Variants in PIK3R3 observed in about 807,000 individuals in gnomAD.
The protein encoded by PIK3R3 is phosphoinositide-3-kinase regulatory subunit 3.
In PIK3R3, 64 loss-of-function variants were observed where a neutral mutation model predicts 62.9. The ratio of observed to expected loss-of-function variants is 1.02; its 90% confidence interval spans 0.83 to 1.25. PIK3R3 has a LOEUF of 1.25. Ranked by LOEUF, PIK3R3 falls within the 50% of genes most tolerant of loss-of-function variation. PIK3R3 has a pLI of 0.00. For missense variants in PIK3R3, 614 were observed against 561.6 expected (o/e 1.09, Z -0.94); for synonymous variants, 165 against 189.0 (o/e 0.87, Z 1.04).
intron 6 of PIK3R3, among the ~76,000 whole-genome samples, chr1:46,059,060 G>A (rs1247494270): frequency 1.3e-5 from 2 of 152,202 alleles, no homozygotes; most frequent in Non-Finnish European, 2.9e-5. Context: ...TGTTCTCATT[G>A]TAGTGAGTAA....
At chr1:46,160,688 T>C in the PIK3R3 span, among the ~76,000 whole-genome samples, 1 of 152,236 alleles carries the variant, frequency 6.6e-6, no homozygotes, top group Non-Finnish European at 1.5e-5. Flanking sequence ...CTTAATCCCG[T>C]AATAGGAGAG....
In PIK3R3 at chr1:46,066,927, A is replaced by C; in HGVS notation, c.479T>G (p.Val160Gly). The change falls in exon 4 of 10, where the codon GTG becomes GGG. Residue 160 changes from valine to glycine, a missense_variant. Physicochemically the swap from Val to Gly is moderately radical, Grantham distance 109. Coordinates refer to ENST00000262741, the MANE Select transcript of PIK3R3 (RefSeq NM_003629.4). ...PKLDVKLMYP[V>G]SRYQQDQLVK... ...TAATCATACCTGTTGGTATCTGGAC[A>C]CTGGGTACATCAGCTTCACATCAAG... 1 of 1,613,522 alleles carries C rather than the reference A, an allele frequency of 6.2e-7. No individual in the cohort carries two copies. The highest frequency in any genetic ancestry group is 8.5e-7 in the Non-Finnish European group (1 of 1,179,562).
intron 7 of PIK3R3, among the ~76,000 whole-genome samples, chr1:46,047,719 T>C (rs1647154646): frequency 6.6e-6 from 1 of 152,190 alleles, no homozygotes; most frequent in Non-Finnish European, 1.5e-5. Context: ...CTTTACCTTG[T>C]TTTATCATCT....
chr1:46,091,720 T>TCA (rs1258150577), intron 1 of PIK3R3, among the ~76,000 whole-genome samples: 2 of 152,110 alleles, frequency 1.3e-5, no homozygotes, highest in Admixed American at 1.3e-4. Context: ...TAATCATCCC[T>TCA]CAGTATCCTC....
At chr1:46,149,323 G>A in the PIK3R3 span, among the ~76,000 whole-genome samples, 1 of 150,610 alleles carries the variant, frequency 6.6e-6, no homozygotes, top group South Asian at 2.1e-4. Flanking sequence ...TTGGGAGGCT[G>A]AGGCGGGAGA....
chr1:46,103,235 C>T (rs981591071), intron 1 of PIK3R3, among the ~76,000 whole-genome samples: 24 of 152,122 alleles, frequency 1.6e-4, no homozygotes, highest in Non-Finnish European at 2.9e-4. Context: ...TGGAGATCTG[C>T]TTCAAAACAA....
rs1647033262 is a variant in PIK3R3, at chr1:46,043,559, A to G, written c.*114T>C. The G allele has an allele frequency of 1.0e-6, 1 of 967,842 alleles. No individual in the cohort carries two copies. Among genetic ancestry groups the G allele is most frequent in the African/African-American group, 1.6e-5 (1 of 61,750 alleles). 60.0% of individuals were successfully genotyped at this position (967,842 alleles called of 1,614,324 possible). A position where few individuals can be genotyped will look rare whatever the true frequency, so the allele number is the denominator to read the frequency against. ...CTCGGCCTCTCCACTTCACATTCACAAAATCACTTCTTGTGCAAAACAAGC... is the reference window on the plus strand; with the variant it reads ...CTCGGCCTCTCCACTTCACATTCACGAAATCACTTCTTGTGCAAAACAAGC... On this transcript the variant is annotated 3_prime_UTR_variant, in exon 10 of 10. Coordinates refer to ENST00000262741, the MANE Select transcript of PIK3R3 (RefSeq NM_003629.4).
chr1:46,085,027 A>G (rs1200593470), intron 1 of PIK3R3, among the ~76,000 whole-genome samples: 1 of 152,220 alleles, frequency 6.6e-6, no homozygotes, highest in African/African-American at 2.4e-5. Context: ...GGAAGCTGCT[A>G]TTTATGGATA....
At chr1:46,134,899 G>T (rs1655874356), upstream of PIK3R3, among the ~76,000 whole-genome samples, 1 of 152,180 alleles carries the variant, frequency 6.6e-6, no homozygotes, top group Admixed American at 6.5e-5. Context: ...ATAATCAAGT[G>T]GTCAAGGCTG....
At chr1:46,140,758 A>G in the PIK3R3 span, among the ~76,000 whole-genome samples, 6 of 152,178 alleles carry the variant, frequency 3.9e-5, no homozygotes, top group Admixed American at 1.3e-4. Context: ...GAAGAAACCA[A>G]CCCTGCCAAC....
the PIK3R3 span, among the ~76,000 whole-genome samples, chr1:46,145,784 C>T: frequency 0.034 from 5,202 of 152,212 alleles, 295 homozygotes; most frequent in African/African-American, 0.12. Flanking sequence ...CCTTGACCAC[C>T]TCTTGGTTCT....
At chr1:46,126,923 A>G (rs1655143724) in intron 1 of PIK3R3, among the ~76,000 whole-genome samples, 1 of 152,176 alleles carries the variant, frequency 6.6e-6, no homozygotes, top group African/African-American at 2.4e-5. Flanking sequence ...TAAGTCTAAA[A>G]GGGGTACTGA....
the PIK3R3 span, among the ~76,000 whole-genome samples, chr1:46,140,581 A>C: frequency 6.6e-6 from 1 of 152,206 alleles, no homozygotes; most frequent in Non-Finnish European, 1.5e-5. Flanking sequence ...GTGTCCTTAT[A>C]AGAAAAACAG....
chr1:46,091,473 CACACACACAT>C (rs1218249748), intron 1 of PIK3R3, among the ~76,000 whole-genome samples: 1 of 109,768 alleles, frequency 9.1e-6, no homozygotes, highest in Non-Finnish European at 2.0e-5. Flanking sequence ...TATAAACACA[CACACACACAT>C]ACACACACAC....
chr1:46,061,911 G>A lies in PIK3R3; in HGVS notation c.764+18C>T. 6.2e-7 allele frequency: 1 copy of A among 1,606,492 alleles called. No individual in the cohort carries two copies. The highest frequency in any genetic ancestry group is 8.5e-7 in the Non-Finnish European group (1 of 1,174,020). The stretch of plus-strand genomic sequence containing the variant: ...ATCCTGTCTCACTGATGCCCTTGGA[G>A]GTACTAAGTAGACTTACCGTTCAAT... On this transcript the variant is annotated intron_variant, in intron 6 of 9. Transcript: ENST00000262741.
the PIK3R3 span, among the ~76,000 whole-genome samples, chr1:46,162,179 G>C: frequency 6.6e-6 from 1 of 151,226 alleles, no homozygotes; most frequent in African/African-American, 2.4e-5. Context: ...GTAAGAGTTT[G>C]GTAAAATAGG....
At chr1:46,111,496 C>T (rs1653740506) in intron 1 of PIK3R3, among the ~76,000 whole-genome samples, 2 of 152,078 alleles carry the variant, frequency 1.3e-5, no homozygotes, top group South Asian at 2.1e-4. Flanking sequence ...GAGACTGAGG[C>T]GGGCAGATCA....
At chr1:46,166,493 G>T in the PIK3R3 span, among the ~76,000 whole-genome samples, 1 of 151,948 alleles carries the variant, frequency 6.6e-6, no homozygotes, top group African/African-American at 2.4e-5. Context: ...AAAGTGCTGG[G>T]AGGCGTGAGC....
At chr1:46,054,397 C>CA (rs10649671) in intron 7 of PIK3R3, among the ~76,000 whole-genome samples, 1,173 of 79,864 alleles carry the variant, frequency 0.015, 30 homozygotes, top group East Asian at 0.036. Flanking sequence ...CTCCGCCTCA[C>CA]AAAAAAAAAA....
Sources: allele counts gnomAD v4.1 joint callset (sites outside exome capture counted in the v4.1 genomes callset), GRCh38; gene constraint gnomAD v4.1.1; transcripts MANE v1.5; gene names NCBI Gene and HGNC (gene_info 2026-07-23, HGNC 2026-07-21).